The following WWOX variants were observed in gnomAD, a reference collection of about 807,000 sequenced individuals.
The protein encoded by WWOX is WW domain-containing oxidoreductase.
A neutral mutation model predicts 46.2 loss-of-function variants in WWOX; 69 were observed. That is an observed-to-expected ratio of 1.49 (90% CI 1.23 to 1.82). The LOEUF is 1.82. Ranked by LOEUF, WWOX falls within the 40% of genes most tolerant of loss-of-function variation. WWOX has a pLI of 0.00. For missense variants in WWOX, 919 were observed against 542.6 expected (o/e 1.69, Z -6.89); for synonymous variants, 359 against 202.6 (o/e 1.77, Z -6.56).
chr16:78,714,456 C>G (rs1214418965), intron 8 of WWOX, among the ~76,000 whole-genome samples: 3 of 151,820 alleles, frequency 2.0e-5, no homozygotes, highest in Non-Finnish European at 2.9e-5. Context: ...TCAGTTACCT[C>G]CCACCGAGTC....
chr16:78,436,343 A>T (rs1035769121), intron 8 of WWOX, among the ~76,000 whole-genome samples: 1 of 152,170 alleles, frequency 6.6e-6, no homozygotes, highest in Non-Finnish European at 1.5e-5. Context: ...TGGTTCAGTG[A>T]TCTCCAACCT....
Position 78,628,778 on chromosome 16 carries a change from C to T in WWOX, c.1056+196026C>T, listed in dbSNP as rs144518915. On this transcript the variant is annotated intron_variant, in intron 8 of 8. Transcript: ENST00000566780. ...GAATTATGAAAGGAAGAGGAGAGAC[C>T]TTTGGAAAAGTCTGAATGTTGATGC... Among the ~76,000 whole-genome samples the T allele has an allele frequency of 9.3e-3, 1,416 of 152,210 alleles. 18 individuals are homozygous for T. Among genetic ancestry groups the T allele is most frequent in the African/African-American group, 0.032 (1,322 of 41,528 alleles).
At chr16:78,795,702 A>G (rs1257607233) in intron 8 of WWOX, among the ~76,000 whole-genome samples, 1 of 151,988 alleles carries the variant, frequency 6.6e-6, no homozygotes, top group Non-Finnish European at 1.5e-5. Flanking sequence ...GGCTCTGGGG[A>G]TTCATTCTAG....
intron 5 of WWOX, among the ~76,000 whole-genome samples, chr16:78,315,332 T>G (rs1001434440): frequency 2.6e-5 from 4 of 152,156 alleles, no homozygotes; most frequent in Non-Finnish European, 5.9e-5. Context: ...AGGATAACTC[T>G]GTAGTTTGAT....
intron 8 of WWOX, among the ~76,000 whole-genome samples, chr16:79,008,458 A>T (rs781198131): frequency 1.3e-5 from 2 of 152,108 alleles, no homozygotes; most frequent in Non-Finnish European, 2.9e-5. Context: ...CAGGGGGGCA[A>T]ATTATCCCAT....
intron 5 of WWOX, among the ~76,000 whole-genome samples, chr16:78,319,611 A>C (rs775098742): frequency 6.6e-6 from 1 of 152,302 alleles, no homozygotes; most frequent in African/African-American, 2.4e-5. Flanking sequence ...CTATAAAAGA[A>C]TAAATGTGTG....
At position 78,549,985 on chromosome 16, in the gene WWOX, G is replaced by C. The variant is rs112889597; in HGVS notation, c.1056+117233G>C. On this transcript the variant is annotated intron_variant, in intron 8 of 8. Transcript: ENST00000566780. ...GACTGAAAATTCCCATCCCACCCCC[G>C]CAACAATGAAGGGAAATGCCTAGGT... Among the ~76,000 whole-genome samples the C allele has an allele frequency of 2.7e-4, 41 of 152,180 alleles. 1 individual carries two copies. The highest frequency in any genetic ancestry group is 9.6e-4 in the African/African-American group (40 of 41,492).
chr16:78,564,749 C>A (rs1490688522), intron 8 of WWOX, among the ~76,000 whole-genome samples: 2 of 152,200 alleles, frequency 1.3e-5, no homozygotes, highest in Admixed American at 1.3e-4. Flanking sequence ...TCTCTGGCAA[C>A]TAATTTCACC....
chr16:79,053,018 T>G (rs1402637641), intron 8 of WWOX, among the ~76,000 whole-genome samples: 1 of 151,724 alleles, frequency 6.6e-6, no homozygotes, highest in Non-Finnish European at 1.5e-5. Flanking sequence ...CAAAAGCAGG[T>G]GGGAACAGGG....
chr16:78,930,689 A>G (rs28750193), intron 8 of WWOX, among the ~76,000 whole-genome samples: 31,173 of 151,298 alleles, frequency 0.21, 3,411 homozygotes, highest in Middle Eastern at 0.24. Context: ...GAGTAAATGT[A>G]TCAAGGACAA....
At chr16:78,663,304 A>T (rs12448196) in intron 8 of WWOX, among the ~76,000 whole-genome samples, 1 of 152,144 alleles carries the variant, frequency 6.6e-6, no homozygotes, top group African/African-American at 2.4e-5. Context: ...GTGTTATTTC[A>T]TGTATTAATA....
At chr16:78,770,385 G>A (rs1306274850) in intron 8 of WWOX, among the ~76,000 whole-genome samples, 3 of 152,056 alleles carry the variant, frequency 2.0e-5, no homozygotes, top group African/African-American at 4.8e-5. Flanking sequence ...AAGAATCCAA[G>A]AATACAGATT....
intron 8 of WWOX, among the ~76,000 whole-genome samples, chr16:78,859,000 TTAAAAAAAAAAAAAAAAA>T (rs1250096859): frequency 3.8e-5 from 3 of 79,872 alleles, no homozygotes; most frequent in African/African-American, 1.2e-4. Context: ...GTTTTGAAAT[TTAAAAAAAAAAAAAAAAA>T]AAAAAAAAAA....
intron 8 of WWOX, among the ~76,000 whole-genome samples, chr16:78,735,558 G>C (rs973963261): frequency 1.3e-5 from 2 of 152,198 alleles, no homozygotes; most frequent in Non-Finnish European, 2.9e-5. Flanking sequence ...CCATACAGAT[G>C]CTCAGAGCAT....
At position 78,679,610 on chromosome 16, in the gene WWOX, C is replaced by A. The variant is rs369048601; in HGVS notation, c.1056+246858C>A. 3.3e-5 allele frequency among the ~76,000 whole-genome samples: 5 copies of A among 152,228 alleles called. No individual in the cohort carries two copies. The East Asian group carries it at 9.7e-4, about 29-fold the overall frequency. On this transcript the variant is annotated intron_variant, in intron 8 of 8. Coordinates refer to ENST00000566780, the MANE Select transcript of WWOX (RefSeq NM_016373.4). ...TACAGACACAGGCTTTTCTCCCCAC[C>A]TCTTTTAATTCTTGAAAGGAACAGT...
chr16:79,012,625 G>A (rs2047334158), intron 8 of WWOX, among the ~76,000 whole-genome samples: 1 of 152,200 alleles, frequency 6.6e-6, no homozygotes, highest in South Asian at 2.1e-4. Flanking sequence ...CAGCTCCAAG[G>A]CAGAGAGATG....
intron 8 of WWOX, among the ~76,000 whole-genome samples, chr16:78,863,919 T>C (rs2043947201): frequency 6.6e-6 from 1 of 152,236 alleles, no homozygotes. Context: ...GCCACAGTTG[T>C]AGCATGTCCA....
chr16:79,107,047 G>T (rs1437870425), intron 8 of WWOX, among the ~76,000 whole-genome samples: 1 of 152,076 alleles, frequency 6.6e-6, no homozygotes, highest in Admixed American at 6.5e-5. Flanking sequence ...CTGACCTCAG[G>T]TGATGCACCC....
intron 8 of WWOX, among the ~76,000 whole-genome samples, chr16:79,036,030 C>G (rs1353434407): frequency 6.6e-6 from 1 of 152,188 alleles, no homozygotes; most frequent in African/African-American, 2.4e-5. Flanking sequence ...TTCCAGCATA[C>G]TCAGCACAGT....
Sources: allele counts gnomAD v4.1 joint callset (sites outside exome capture counted in the v4.1 genomes callset), GRCh38; gene constraint gnomAD v4.1.1; transcripts MANE v1.5; gene names NCBI Gene and HGNC (gene_info 2026-07-23, HGNC 2026-07-21).